The following ASXL2 variants were observed in gnomAD, a reference collection of about 807,000 sequenced individuals.
ASXL2 encodes ASXL transcriptional regulator 2.
A neutral mutation model predicts 122.0 loss-of-function variants in ASXL2; 23 were observed. That is an observed-to-expected ratio of 0.19 (90% CI 0.14 to 0.27). The LOEUF (loss-of-function observed/expected upper bound fraction) is 0.27. ASXL2 is among the 10% of genes least tolerant of loss of function. The pLI is 1.00. For missense variants in ASXL2, 1,518 were observed against 1,713.8 expected (o/e 0.89, Z 2.02); for synonymous variants, 650 against 637.0 (o/e 1.02, Z -0.31).
chr2:25,821,007 CCGTCT>C (rs2089301359), intron 3 of ASXL2, among the ~76,000 whole-genome samples: 1 of 151,740 alleles, frequency 6.6e-6, no homozygotes, highest in Admixed American at 6.6e-5. Context: ...TGGAGAAACC[CCGTCT>C]CTACTAAAAA....
In ASXL2 at chr2:25,733,891, G is replaced by T; in HGVS notation, c.*8138C>A. 1 of 152,320 alleles carries T rather than the reference G, an allele frequency of 6.6e-6. No individual in the cohort carries two copies. Among genetic ancestry groups the T allele is most frequent in the East Asian group, 1.9e-4 (1 of 5,190 alleles). 9.4% of individuals were successfully genotyped at this position (152,320 alleles called of 1,614,324 possible). A position where few individuals can be genotyped will look rare whatever the true frequency, so the allele number is the denominator to read the frequency against. On this transcript the variant is annotated 3_prime_UTR_variant, in exon 13 of 13. Coordinates refer to ENST00000435504, the MANE Select transcript of ASXL2 (RefSeq NM_018263.6). ...GAAACAGCCTAAAAGTGACAGGAAA[G>T]AAGACAATAGTGAGGAGCTAAAAGG...
chr2:25,877,456 G>GCACC (rs1262637022), intron 1 of ASXL2, among the ~76,000 whole-genome samples: 3 of 151,954 alleles, frequency 2.0e-5, no homozygotes, highest in Non-Finnish European at 4.4e-5. Context: ...CTTCATTAGG[G>GCACC]CACCATCCCT....
chr2:25,828,955 T>C (rs535715993), intron 3 of ASXL2, among the ~76,000 whole-genome samples: 4 of 152,200 alleles, frequency 2.6e-5, no homozygotes, highest in Admixed American at 6.5e-5. Context: ...AATTTTTCAC[T>C]GATTTTATGT....
chr2:25,831,471 T>G (rs1195751823), intron 3 of ASXL2, among the ~76,000 whole-genome samples: 1 of 151,844 alleles, frequency 6.6e-6, no homozygotes, highest in Non-Finnish European at 1.5e-5. Context: ...CTGGGCAACA[T>G]GATGAAACCC....
Position 25,744,762 on chromosome 2 carries a change from T to C in ASXL2, c.1861-286A>G, listed in dbSNP as rs992401815. Among the ~76,000 whole-genome samples, 1 of 152,170 alleles carries C rather than the reference T, an allele frequency of 6.6e-6. No homozygotes were observed. Among genetic ancestry groups the C allele is most frequent in the Non-Finnish European group, 1.5e-5 (1 of 68,008 alleles). ...CTCAACTCCCTCCTAATGCCACTAT[T>C]ACAAGTGCTTATTATGATACAAAGT... On this transcript the variant is annotated intron_variant, in intron 12 of 12. Transcript: ENST00000435504. This position sits in a 1 kb window ranked among gnomAD's most constrained non-coding sequence, Gnocchi z 4.7.
At position 25,734,784 on chromosome 2, in the gene ASXL2, GA is replaced by G. The variant is rs2087708611; in HGVS notation, c.*7244del. ...TGGCAAAAGCCACCACAGTTCAATA[GA>G]AAACTATTCCTTATCCCACAGAATG... On this transcript the variant is annotated 3_prime_UTR_variant, in exon 13 of 13. Coordinates refer to ENST00000435504, the MANE Select transcript of ASXL2 (RefSeq NM_018263.6). 6.6e-6 allele frequency: 1 copy of G among 152,272 alleles called. No individual in the cohort carries two copies. The highest frequency in any genetic ancestry group is 1.5e-5 in the Non-Finnish European group (1 of 68,000). The allele number at this position is 152,272 out of a possible 1,614,324, so 9.4% of individuals were successfully genotyped here.
chr2:25,781,503 C>T (rs1008957223), intron 5 of ASXL2, among the ~76,000 whole-genome samples: 1 of 151,058 alleles, frequency 6.6e-6, no homozygotes, highest in Non-Finnish European at 1.5e-5. Context: ...TACATGGTGG[C>T]TGATTATTAC....
intron 1 of ASXL2, among the ~76,000 whole-genome samples, chr2:25,865,936 T>C (rs1049843730): frequency 5.9e-5 from 9 of 152,060 alleles, no homozygotes; most frequent in African/African-American, 2.2e-4. Flanking sequence ...TAACCACATT[T>C]TCTTATTCAA....
intron 5 of ASXL2, among the ~76,000 whole-genome samples, chr2:25,798,026 A>G (rs893675561): frequency 6.6e-6 from 1 of 152,246 alleles, no homozygotes; most frequent in Non-Finnish European, 1.5e-5. Context: ...ACTGTGGCAC[A>G]CCCAGACAAT....
intron 5 of ASXL2, among the ~76,000 whole-genome samples, chr2:25,782,841 A>G (rs1202768436): frequency 6.6e-6 from 1 of 152,100 alleles, no homozygotes; most frequent in African/African-American, 2.4e-5. Flanking sequence ...ATATGGTTGC[A>G]TTCTGGCTGG....
At chr2:25,860,803 G>A (rs946053470) in intron 1 of ASXL2, among the ~76,000 whole-genome samples, 1 of 151,616 alleles carries the variant, frequency 6.6e-6, no homozygotes, top group Non-Finnish European at 1.5e-5. Flanking sequence ...CTTGAGCTCA[G>A]GAGTTCAAGA....
chr2:25,786,847 C>A (rs2088756498), intron 5 of ASXL2, among the ~76,000 whole-genome samples: 1 of 151,592 alleles, frequency 6.6e-6, no homozygotes, highest in Non-Finnish European at 1.5e-5. Context: ...AGAGAGAGAC[C>A]CTGTCTCAAA....
Position 25,742,424 on chromosome 2 carries a change from G to A in ASXL2, c.3913C>T (p.Pro1305Ser), listed in dbSNP as rs1192040311. Reference sequence around the variant, plus strand: ...GTTTGCAGGGGTGGAAGGAGTAGGGGCTGGTGGGTGGGGCTGTCTGCAGGC... The same window carrying A: ...GTTTGCAGGGGTGGAAGGAGTAGGGACTGGTGGGTGGGGCTGTCTGCAGGC... ...PLPADSPTHQ[P>S]LLLPPLQTPK... is the part of the protein sequence containing the mutation. The change falls in exon 13 of 13, where the codon CCC becomes TCC. Residue 1305 changes from proline to serine, a missense_variant. Pro to Ser is a moderately conservative substitution (Grantham distance 74, BLOSUM62 -1). Transcript: ENST00000435504. The A allele has an allele frequency of 6.2e-7, 1 of 1,607,058 alleles. No individual in the cohort carries two copies. Among genetic ancestry groups the A allele is most frequent in the African/African-American group, 1.4e-5 (1 of 73,910 alleles).
chr2:25,763,695 C>G (rs1038500942), intron 8 of ASXL2, among the ~76,000 whole-genome samples: 1 of 152,164 alleles, frequency 6.6e-6, no homozygotes, highest in Non-Finnish European at 1.5e-5. Context: ...AGACACTGTT[C>G]TAAGCATTTA....
At chr2:25,764,322 T>A (rs1230408587) in intron 8 of ASXL2, among the ~76,000 whole-genome samples, 4 of 152,264 alleles carry the variant, frequency 2.6e-5, no homozygotes, top group Non-Finnish European at 1.5e-5. Flanking sequence ...CATTCCAATG[T>A]ATACACCAGG....
At chr2:25,782,898 T>C (rs1027806384) in intron 5 of ASXL2, among the ~76,000 whole-genome samples, 1 of 152,054 alleles carries the variant, frequency 6.6e-6, no homozygotes, top group South Asian at 2.1e-4. Context: ...GAAGCCAAGG[T>C]GGGCGGATCA....
intron 1 of ASXL2, among the ~76,000 whole-genome samples, chr2:25,848,493 G>A (rs1209342226): frequency 6.6e-6 from 1 of 152,026 alleles, no homozygotes; most frequent in Admixed American, 6.6e-5. Flanking sequence ...CGTGGTGGCG[G>A]ACGCCTGTAG....
chr2:25,769,653 T>C (rs1166420900), intron 6 of ASXL2, among the ~76,000 whole-genome samples: 1 of 151,364 alleles, frequency 6.6e-6, no homozygotes, highest in African/African-American at 2.4e-5. Flanking sequence ...ACTTTTAACT[T>C]AAGGTTTTCT....
chr2:25,810,213 G>A (rs2089146718), intron 3 of ASXL2: 1 of 597,816 alleles, frequency 1.7e-6, no homozygotes, highest in Non-Finnish European at 3.2e-6. Flanking sequence ...TCGGCAATGG[G>A]ACACTGCCAG....
Sources: allele counts gnomAD v4.1 joint callset (sites outside exome capture counted in the v4.1 genomes callset), GRCh38; gene constraint gnomAD v4.1.1; non-coding constraint Gnocchi (gnomAD v3.1); transcripts MANE v1.5; gene names NCBI Gene and HGNC (gene_info 2026-07-23, HGNC 2026-07-21).